The following PDZD2 variants were observed in gnomAD, a reference collection of about 807,000 sequenced individuals.
PDZD2 encodes PDZ domain containing 2.
In PDZD2, 90 loss-of-function variants were observed where a neutral mutation model predicts 220.7. The observed-to-expected ratio is 0.41, with a 90% CI of 0.34 to 0.49. PDZD2 has a LOEUF of 0.49. Among genes scored for constraint, PDZD2 ranks in the 20% least tolerant of loss-of-function variants. The probability of loss-of-function intolerance (pLI) is 0.28; values close to 1 mark genes in which losing one functional copy is unlikely to be tolerated. For missense variants in PDZD2, 3,174 were observed against 3,608.5 expected (o/e 0.88, Z 3.08); for synonymous variants, 1,375 against 1,450.5 (o/e 0.95, Z 1.18).
At chr5:31,780,871 G>A (rs959258011) in intron 1 of PDZD2, among the ~76,000 whole-genome samples, 1 of 152,208 alleles carries the variant, frequency 6.6e-6, no homozygotes, top group African/African-American at 2.4e-5. Flanking sequence ...GTCACTGAGA[G>A]CTGATAACAT....
chr5:31,868,913 C>T (rs570724279), intron 2 of PDZD2, among the ~76,000 whole-genome samples: 2 of 152,162 alleles, frequency 1.3e-5, no homozygotes, highest in South Asian at 4.1e-4. Flanking sequence ...GCTGGAACTA[C>T]AGGCGTGCGC....
rs763478248 is a variant in PDZD2, at chr5:31,983,486, C to G, written c.808C>G (p.Pro270Ala). The change falls in exon 3 of 25, where the codon CCA becomes GCA. Residue 270 changes from proline (P) to alanine (A), a missense_variant. Pro to Ala is a conservative substitution (Grantham distance 27). This residue lies in a region of PDZD2 where 632 missense variants were observed against 708.1 expected (regional missense o/e 0.89). Coordinates refer to ENST00000438447, the MANE Select transcript of PDZD2 (RefSeq NM_178140.4). ...CCATGTCTTTCAGCTAGAAAATGGCCCAGATTCTCTCAAGGAGGTGGCTGG... is the reference window on the plus strand; with the variant it reads ...CCATGTCTTTCAGCTAGAAAATGGCGCAGATTCTCTCAAGGAGGTGGCTGG... ...NGHVFQLENGPDSLKEVAGPH... is the reference protein window; with the variant it reads ...NGHVFQLENGADSLKEVAGPH... The G allele has an allele frequency of 5.0e-6, 8 of 1,614,118 alleles. No individual in the cohort carries two copies. Among genetic ancestry groups the G allele is most frequent in the Non-Finnish European group, 6.8e-6 (8 of 1,180,034 alleles).
At chr5:31,854,894 C>T in intron 2 of PDZD2, 2 of 827,112 alleles carry the variant, frequency 2.4e-6, no homozygotes, top group South Asian at 1.1e-4. Flanking sequence ...CTAACCTCCT[C>T]CACCGCGGCG....
intron 2 of PDZD2, among the ~76,000 whole-genome samples, chr5:31,848,732 G>A (rs927404901): frequency 6.7e-6 from 1 of 148,822 alleles, no homozygotes; most frequent in Admixed American, 6.7e-5. Flanking sequence ...CTGGGCGACA[G>A]AGTGAGACTG....
At chr5:31,868,464 C>T (rs1056269132) in intron 2 of PDZD2, among the ~76,000 whole-genome samples, 1 of 152,046 alleles carries the variant, frequency 6.6e-6, no homozygotes, top group Non-Finnish European at 1.5e-5. Context: ...TAAATAAATG[C>T]AGCTGTCCCG....
Position 32,052,609 on chromosome 5 carries a change from A to T in PDZD2, c.1666-2A>T, listed in dbSNP as rs1738672358. 1 of 1,613,628 alleles carries T rather than the reference A, an allele frequency of 6.2e-7. No individual in the cohort carries two copies. The highest frequency in any genetic ancestry group is 1.7e-5 in the Admixed American group (1 of 60,002). On this transcript the variant is annotated splice_acceptor_variant, in intron 8 of 24. Transcript: ENST00000438447. LOFTEE classifies it high-confidence loss of function. ...CTGACCTTGCCGTGTGCTGACTTTT[A>T]GGAATACCACATTGTGAAGAAGTCT...
At chr5:32,073,345 A>G (rs978202504) in intron 17 of PDZD2, among the ~76,000 whole-genome samples, 4 of 151,316 alleles carry the variant, frequency 2.6e-5, no homozygotes, top group Non-Finnish European at 5.9e-5. Flanking sequence ...AGGACAGTTC[A>G]TGCTGCAAAA....
At chr5:31,720,784 G>A (rs1748741427) in intron 1 of PDZD2, among the ~76,000 whole-genome samples, 1 of 152,158 alleles carries the variant, frequency 6.6e-6, no homozygotes, top group South Asian at 2.1e-4. Flanking sequence ...TCTCTGGAAG[G>A]GGAGTCTTAT....
chr5:31,916,447 A>T (rs1743686552), intron 2 of PDZD2, among the ~76,000 whole-genome samples: 1 of 152,246 alleles, frequency 6.6e-6, no homozygotes, highest in South Asian at 2.1e-4. Context: ...CAAGGGTTGA[A>T]TGACAGTGCC....
Position 32,053,874 on chromosome 5 carries a change from C to T in PDZD2, c.1891C>T (p.Leu631Phe). Reference protein sequence around the residue: ...PNGSAAEDGRLKEGDEILDVN... With the variant: ...PNGSAAEDGRFKEGDEILDVN... Reference sequence around the variant, plus strand: ...TGGATCAGCTGCAGAGGACGGAAGACTTAAAGAAGGTAGGGGAAAGCCTCT... The same window carrying T: ...TGGATCAGCTGCAGAGGACGGAAGATTTAAAGAAGGTAGGGGAAAGCCTCT... Residue 631 changes from leucine to phenylalanine, a missense_variant, in exon 10 of 25, where the codon CTT becomes TTT. Physicochemically the swap from Leu to Phe is conservative, Grantham distance 22. Transcript: ENST00000438447. 1 of 1,583,872 alleles carries T rather than the reference C, an allele frequency of 6.3e-7. No individual in the cohort carries two copies. Among genetic ancestry groups the T allele is most frequent in the South Asian group, 1.1e-5 (1 of 90,430 alleles).
rs1234619254 is a variant in PDZD2 at position 32,109,707 on chromosome 5, T to C, written c.*1572T>C. On this transcript the variant is annotated 3_prime_UTR_variant, in exon 25 of 25. Coordinates refer to ENST00000438447, the MANE Select transcript of PDZD2 (RefSeq NM_178140.4). ...ACCTGTGTGCATGACACTAAGATTT[T>C]ATGTTGGAGATACTTCTTTAAATAA... The C allele has an allele frequency of 6.6e-6, 1 of 152,226 alleles. No individual in the cohort carries two copies. Among genetic ancestry groups the C allele is most frequent in the Admixed American group, 6.5e-5 (1 of 15,286 alleles). 9.4% of individuals were successfully genotyped at this position (152,226 alleles called of 1,614,324 possible).
intron 6 of PDZD2, among the ~76,000 whole-genome samples, chr5:32,016,122 G>A (rs1260015999): frequency 3.9e-5 from 6 of 152,190 alleles, no homozygotes; most frequent in Admixed American, 3.3e-4. Context: ...GTCTGATATG[G>A]GTGTTTGATT....
Position 32,109,428 on chromosome 5 carries a change from G to A in PDZD2, c.*1293G>A, listed in dbSNP as rs1745151241. 6.6e-6 allele frequency: 1 copy of A among 152,180 alleles called. No individual in the cohort carries two copies. The highest frequency in any genetic ancestry group is 2.1e-4 in the South Asian group (1 of 4,834). The allele number at this position is 152,180 out of a possible 1,614,324, so 9.4% of individuals were successfully genotyped here. ...TCACTCTGGCCACTCCTCCTCTGGT[G>A]GCATGAGCTGCTTCCCAGTAGCTAT... On this transcript the variant is annotated 3_prime_UTR_variant, in exon 25 of 25. Transcript: ENST00000438447.
At chr5:32,095,150 G>A (rs1743537860) in intron 21 of PDZD2, among the ~76,000 whole-genome samples, 1 of 152,150 alleles carries the variant, frequency 6.6e-6, no homozygotes, top group African/African-American at 2.4e-5. Flanking sequence ...ACATCTTCAG[G>A]AACCTCAAAC....
intron 10 of PDZD2, 136 bp downstream of exon 10, chr5:32,054,019 T>A (rs898140085): frequency 3.3e-5 from 20 of 599,800 alleles, no homozygotes; most frequent in Non-Finnish European, 4.8e-5. Context: ...CAGTGTAACC[T>A]GAGCTTCACT....
intron 14 of PDZD2, among the ~76,000 whole-genome samples, chr5:32,068,600 C>T (rs893559876): frequency 6.6e-6 from 1 of 152,154 alleles, no homozygotes; most frequent in Non-Finnish European, 1.5e-5. Flanking sequence ...TTGAGTAGTA[C>T]TTGCAAAGGA....
Position 32,088,620 on chromosome 5 carries a change from T to C in PDZD2, c.5172T>C (p.Ile1724=). The C allele has an allele frequency of 6.2e-7, 1 of 1,614,108 alleles. No individual in the cohort carries two copies. The highest frequency in any genetic ancestry group is 8.5e-7 in the Non-Finnish European group (1 of 1,179,994). ...GGCATTTTCACAGTCCGCCCATCAT[T>C]CTCAGCTCCCCCAACATGGTAAATG... ...VARHFHSPPI[I]LSSPNMVNGL... The change falls in exon 20 of 25, where the codon ATT becomes ATC. Residue 1724 remains isoleucine (I), a synonymous_variant. Transcript: ENST00000438447. This position sits in a 1 kb window ranked among gnomAD's most constrained non-coding sequence, Gnocchi z 4.6.
intron 6 of PDZD2, among the ~76,000 whole-genome samples, chr5:32,029,743 G>A (rs1561392726): frequency 6.6e-6 from 1 of 152,196 alleles, no homozygotes; most frequent in East Asian, 1.9e-4. Context: ...AACATCCCTG[G>A]AAAGACAGAT....
chr5:31,870,263 A>G (rs1738664363), intron 2 of PDZD2, among the ~76,000 whole-genome samples: 1 of 152,196 alleles, frequency 6.6e-6, no homozygotes, highest in Non-Finnish European at 1.5e-5. Flanking sequence ...ATGCCCACAT[A>G]TAAGGTGTAG....
Sources: gnomAD v4.1 joint callset for allele counts (sites outside exome capture counted in the v4.1 genomes callset) on GRCh38, gnomAD v4.1.1 for gene constraint, gnomAD v4.1.1 regional missense constraint, Gnocchi (gnomAD v3.1) non-coding constraint, MANE v1.5 for transcripts, NCBI Gene and HGNC (gene_info 2026-07-23, HGNC 2026-07-21) for gene names.